Variants in NEGR1 observed in about 807,000 individuals in gnomAD.
The protein encoded by NEGR1 is neuronal growth regulator 1, also known as IgLON family member 4.
In NEGR1, 10 loss-of-function variants were observed where a neutral mutation model predicts 40.9. The observed-to-expected ratio is 0.24, with a 90% CI of 0.15 to 0.42. The LOEUF (loss-of-function observed/expected upper bound fraction) is 0.42, where lower values mean the gene tolerates loss of function less well. NEGR1 is among the 10% of genes least tolerant of loss of function. The pLI is 1.00. For missense variants in NEGR1, 352 were observed against 438.9 expected (o/e 0.80, Z 1.77); for synonymous variants, 185 against 166.8 (o/e 1.11, Z -0.84).
At chr1:71,999,649 A>C (rs1302789825) in intron 1 of NEGR1, among the ~76,000 whole-genome samples, 3 of 42,590 alleles carry the variant, frequency 7.0e-5, no homozygotes, top group Non-Finnish European at 1.1e-4. Flanking sequence ...ATATATATAT[A>C]TATATATATA....
chr1:72,017,816 A>G (rs61767483), intron 1 of NEGR1, among the ~76,000 whole-genome samples: 2,227 of 152,260 alleles, frequency 0.015, 26 homozygotes, highest in Non-Finnish European at 0.023. Context: ...AAGGAGAAGG[A>G]TTCTTTAAAA....
chr1:72,089,551 A>G (rs949379214), intron 1 of NEGR1, among the ~76,000 whole-genome samples: 1 of 152,194 alleles, frequency 6.6e-6, no homozygotes, highest in African/African-American at 2.4e-5. Context: ...AAAAGAGTTA[A>G]TTTTTAAATT....
chr1:71,764,873 T>C (rs1366134195), intron 3 of NEGR1, among the ~76,000 whole-genome samples: 1 of 152,216 alleles, frequency 6.6e-6, no homozygotes, highest in Non-Finnish European at 1.5e-5. Context: ...TGTTTTGAAG[T>C]GTCATCTTCT....
Position 71,745,362 on chromosome 1 carries a change from A to G in NEGR1, c.535+30810T>C, listed in dbSNP as rs148913003. Reference sequence around the variant, plus strand: ...TCTGGACTAAAACAAACAAACAAACAAACAAAAACCCTGAGTTTTATAGTT... The same window carrying G: ...TCTGGACTAAAACAAACAAACAAACGAACAAAAACCCTGAGTTTTATAGTT... On this transcript the variant is annotated intron_variant, in intron 3 of 6. Transcript: ENST00000357731. 6.9e-3 allele frequency among the ~76,000 whole-genome samples: 1,055 copies of G among 152,284 alleles called. 12 individuals are homozygous for G. The highest frequency in any genetic ancestry group is 0.023 in the African/African-American group (975 of 41,568).
At chr1:71,448,617 G>C (rs978678593) in intron 6 of NEGR1, among the ~76,000 whole-genome samples, 1 of 151,636 alleles carries the variant, frequency 6.6e-6, no homozygotes, top group Non-Finnish European at 1.5e-5. Context: ...AAAAAATGTC[G>C]CTGAGAGAGA....
rs566409345 is a variant in NEGR1, at chr1:72,068,725, A to G, written c.177-133414T>C. ...ATTTTAATATAATAGAGTACCAGCT[A>G]TGTAAATACTTTACCTGAATTAATA... On this transcript the variant is annotated intron_variant, in intron 1 of 6. Coordinates refer to ENST00000357731, the MANE Select transcript of NEGR1 (RefSeq NM_173808.3). Among the ~76,000 whole-genome samples the G allele has an allele frequency of 2.9e-4, 44 of 152,328 alleles. 2 individuals are homozygous for G. In the South Asian group the frequency reaches 8.7e-3, roughly 30 times the overall value.
intron 1 of NEGR1, among the ~76,000 whole-genome samples, chr1:72,098,967 C>T (rs1648824466): frequency 6.6e-6 from 1 of 151,828 alleles, no homozygotes; most frequent in Admixed American, 6.6e-5. Flanking sequence ...AGATTTTATA[C>T]TAAAATTCGC....
At chr1:71,941,561 G>A (rs1394700096) in intron 1 of NEGR1, among the ~76,000 whole-genome samples, 1 of 152,068 alleles carries the variant, frequency 6.6e-6, no homozygotes, top group East Asian at 1.9e-4. Context: ...TGGCAGAGGT[G>A]GAAGACAGTG....
rs1486106 is a variant in NEGR1 at position 72,083,444 on chromosome 1, G to A, written c.177-148133C>T. 6.3e-3 allele frequency among the ~76,000 whole-genome samples: 961 copies of A among 152,068 alleles called. 12 individuals carry two copies. The highest frequency in any genetic ancestry group is 0.022 in the African/African-American group (905 of 41,486). ...TGAAATCATAGCACATTAGAACCTCGAAATCCTGAGCTTAAGTGTTTATCC... is the reference window on the plus strand; with the variant it reads ...TGAAATCATAGCACATTAGAACCTCAAAATCCTGAGCTTAAGTGTTTATCC... On this transcript the variant is annotated intron_variant, in intron 1 of 6. Transcript: ENST00000357731.
chr1:71,559,211 T>A (rs897691156), intron 6 of NEGR1, among the ~76,000 whole-genome samples: 6 of 151,274 alleles, frequency 4.0e-5, no homozygotes, highest in Non-Finnish European at 8.9e-5. Flanking sequence ...TTTATTACTA[T>A]ATTTTTCTTA....
Position 71,406,282 on chromosome 1 carries a change from A to G in NEGR1, c.*1164T>C, listed in dbSNP as rs1049636620. The G allele has an allele frequency of 5.3e-5, 8 of 151,974 alleles. No homozygotes were observed. Among genetic ancestry groups the G allele is most frequent in the African/African-American group, 1.7e-4 (7 of 41,430 alleles). The allele number at this position is 151,974 out of a possible 1,614,324, so 9.4% of individuals were successfully genotyped here. On this transcript the variant is annotated 3_prime_UTR_variant, in exon 7 of 7. Coordinates refer to ENST00000357731, the MANE Select transcript of NEGR1 (RefSeq NM_173808.3). ...ATATAACATGCATTCCAGACTATCA[A>G]CTGAGTGATACTTTCAGATGGAAAA...
chr1:72,147,264 C>G (rs926385898), intron 1 of NEGR1, among the ~76,000 whole-genome samples: 23 of 152,182 alleles, frequency 1.5e-4, no homozygotes, highest in African/African-American at 5.3e-4. Context: ...TACAGTTCCA[C>G]ATGGCTGGAG....
chr1:72,013,901 A>C (rs1646683149), intron 1 of NEGR1, among the ~76,000 whole-genome samples: 1 of 150,662 alleles, frequency 6.6e-6, no homozygotes, highest in South Asian at 2.1e-4. Flanking sequence ...GTGTTTACCT[A>C]AGAAATCATT....
chr1:71,976,824 A>G (rs1055963418), intron 1 of NEGR1, among the ~76,000 whole-genome samples: 12 of 152,182 alleles, frequency 7.9e-5, no homozygotes, highest in Admixed American at 6.5e-4. Flanking sequence ...CAAGAAAAAA[A>G]CAGTGTATTT....
In NEGR1 at chr1:71,604,413, C is replaced by A. The variant is rs1650017932; in HGVS notation, c.788+6613G>T. Among the ~76,000 whole-genome samples the A allele has an allele frequency of 3.3e-5, 5 of 151,992 alleles. 1 individual carries two copies. In the South Asian group the frequency reaches 1.0e-3, roughly 32 times the overall value. On this transcript the variant is annotated intron_variant, in intron 5 of 6. Transcript: ENST00000357731. ...TTTTAACTCATTTTGCTGGTTTCCT[C>A]AAAAATATAAGAAGGGGAGAAGACC...
chr1:72,186,706 T>C (rs1383910298), intron 1 of NEGR1, among the ~76,000 whole-genome samples: 2 of 151,706 alleles, frequency 1.3e-5, no homozygotes, highest in East Asian at 3.9e-4. Context: ...AATGTATTAA[T>C]GTTAGAATTT....
chr1:71,491,816 T>C (rs901674106), intron 6 of NEGR1, among the ~76,000 whole-genome samples: 1 of 152,132 alleles, frequency 6.6e-6, no homozygotes, highest in Non-Finnish European at 1.5e-5. Context: ...ATGTGCTTAT[T>C]GGCTTTTTCT....
At chr1:72,100,844 G>C (rs758574123) in intron 1 of NEGR1, 2 of 152,230 alleles carry the variant, frequency 1.3e-5, no homozygotes, top group Admixed American at 6.6e-5. Context: ...GGAAGTACAT[G>C]ATCAAGATGC....
intron 2 of NEGR1, among the ~76,000 whole-genome samples, chr1:71,778,186 TAG>T (rs951344020): frequency 1.3e-5 from 2 of 151,394 alleles, no homozygotes; most frequent in South Asian, 2.1e-4. Flanking sequence ...TATATATATA[TAG>T]AGAGAGAGAC....
Sources: allele counts gnomAD v4.1 joint callset (sites outside exome capture counted in the v4.1 genomes callset), GRCh38; gene constraint gnomAD v4.1.1; transcripts MANE v1.5; gene names NCBI Gene and HGNC (gene_info 2026-07-23, HGNC 2026-07-21).